The following PPFIA4 variants were observed in gnomAD, a reference collection of about 807,000 sequenced individuals.
PPFIA4 encodes the protein PPFI scaffold protein A4.
Under a neutral mutation model 145.7 loss-of-function variants are expected in PPFIA4, and 98 were observed. That is an observed-to-expected ratio of 0.67 (90% CI 0.57 to 0.80). The LOEUF (loss-of-function observed/expected upper bound fraction) is 0.80. Among genes scored for constraint, PPFIA4 ranks in the 30% least tolerant of loss-of-function variants. The probability of loss-of-function intolerance (pLI) is 0.00; values close to 1 mark genes in which losing one functional copy is unlikely to be tolerated. For synonymous variants in PPFIA4, 628 were observed against 649.6 expected, an observed-to-expected ratio of 0.97 and a Z score of 0.51; for missense variants, 1,457 against 1,632.7, an observed-to-expected ratio of 0.89 and a Z score of 1.85.
intron 19 of PPFIA4, 61 bp from the exon 20 acceptor site, chr1:203,059,117 G>C (rs1335984940): frequency 7.4e-7 from 1 of 1,349,800 alleles, no homozygotes; most frequent in Non-Finnish European, 1.0e-6. Flanking sequence ...CCCCACCCCT[G>C]ATCCAGGCAA....
At chr1:203,069,140 C>T (rs988237327) in intron 27 of PPFIA4, among the ~76,000 whole-genome samples, 1 of 152,224 alleles carries the variant, frequency 6.6e-6, no homozygotes, top group Non-Finnish European at 1.5e-5. Context: ...AGGGCTTTGG[C>T]TCTCTGTCAA....
chr1:203,058,031 T>G (rs1454534288), intron 19 of PPFIA4, among the ~76,000 whole-genome samples: 1 of 152,158 alleles, frequency 6.6e-6, no homozygotes, highest in Non-Finnish European at 1.5e-5. Flanking sequence ...TGTGAGGGCC[T>G]TGCAGCATCT....
chr1:203,069,763 G>GCC (rs1216196714), intron 27 of PPFIA4, among the ~76,000 whole-genome samples: 9 of 108,790 alleles, frequency 8.3e-5, no homozygotes, highest in African/African-American at 2.5e-4. Context: ...TGACCCCCCC[G>GCC]CCCCGCCCCC....
rs1277282032 is a variant in PPFIA4 at position 203,060,871 on chromosome 1, T to C, written c.2785-99T>C. The C allele has an allele frequency of 5.6e-6, 6 of 1,067,682 alleles. No individual in the cohort carries two copies. The East Asian group carries it at 1.4e-4, about 25-fold the overall frequency. 66.1% of individuals were successfully genotyped at this position (1,067,682 alleles called of 1,614,324 possible). On this transcript the variant is annotated intron_variant, in intron 22 of 29. Transcript: ENST00000295706. The surrounding 1 kb of genome is among the most constrained non-coding windows in gnomAD (Gnocchi z 4.8). ...GAGACCAGCCCCCATTTCAGAGGAC[T>C]CAGGGAGGGAGCTTTGTCCTTGTCC...
At chr1:203,046,073 C>T (rs1472812974) in intron 8 of PPFIA4, 86 bp downstream of exon 8, 45 of 1,586,292 alleles carry the variant, frequency 2.8e-5, no homozygotes, top group Non-Finnish European at 3.7e-5. Flanking sequence ...GCTGAGGAGC[C>T]CCTGGGGTCC....
intron 24 of PPFIA4, among the ~76,000 whole-genome samples, chr1:203,062,313 TA>T (rs1448372024): frequency 6.8e-6 from 1 of 147,950 alleles, no homozygotes; most frequent in Non-Finnish European, 1.5e-5. Context: ...CCGTCTCTAC[TA>T]AAAATACAAA....
At chr1:203,072,587 T>A (rs1180660679) in intron 28 of PPFIA4, among the ~76,000 whole-genome samples, 4 of 152,216 alleles carry the variant, frequency 2.6e-5, no homozygotes, top group African/African-American at 7.2e-5. Flanking sequence ...TGCCCTTGCC[T>A]GTCAGGTCTG....
intron 1 of PPFIA4, chr1:203,034,514 G>A (rs1025827671): frequency 6.6e-6 from 3 of 456,444 alleles, no homozygotes; most frequent in Admixed American, 2.3e-5. Flanking sequence ...CGAGGGCTCC[G>A]AAGAGTGTCT....
intron 13 of PPFIA4, 142 bp downstream of exon 13, chr1:203,049,909 T>C: frequency 1.4e-6 from 1 of 696,978 alleles, no homozygotes; most frequent in Non-Finnish European, 2.1e-6. Flanking sequence ...TCAGATAACT[T>C]GGTCAGAGTC....
In PPFIA4 at chr1:203,053,803, T is replaced by C. The variant is rs529567561; in HGVS notation, c.1671T>C (p.Pro557=). The change falls in exon 15 of 30, where the codon CCT becomes CCC. Residue 557 remains proline (P), a synonymous_variant. Transcript: ENST00000295706. The part of the protein sequence containing the change: ...LPGMLAPAAG[P]AFDSDPEISD... Reference sequence around the variant, plus strand: ...GGATGCTGGCCCCGGCAGCTGGCCCTGCCTTTGACAGTGACCCTGAGATCT... The same window carrying C: ...GGATGCTGGCCCCGGCAGCTGGCCCCGCCTTTGACAGTGACCCTGAGATCT... 11 of 1,552,912 alleles carry C rather than the reference T, an allele frequency of 7.1e-6. No individual in the cohort carries two copies. Among genetic ancestry groups the C allele is most frequent in the South Asian group, 5.9e-5 (5 of 84,122 alleles).
At chr1:203,070,957 T>G (rs1165034624) in intron 27 of PPFIA4, among the ~76,000 whole-genome samples, 6 of 61,060 alleles carry the variant, frequency 9.8e-5, no homozygotes, top group Admixed American at 3.8e-4. Flanking sequence ...ACTTTTTTGT[T>G]TTTTTTTTTT....
At position 203,056,839 on chromosome 1, in the gene PPFIA4, C is replaced by T; in HGVS notation, c.2296C>T (p.Leu766=). The change falls in exon 19 of 30, where the codon CTG becomes TTG. Residue 766 remains leucine (L), a synonymous_variant. Transcript: ENST00000295706. ...PSSSNSSQDS[L]HKGAKRKGIK... ...CAGCAGCAACAGCAGCCAGGACTCC[C>T]TGCACAAGGGCGCCAAGCGCAAGGG... 3.7e-6 allele frequency: 6 copies of T among 1,614,052 alleles called. No homozygotes were observed. The highest frequency in any genetic ancestry group is 4.2e-6 in the Non-Finnish European group (5 of 1,179,886).
rs570495184 is a variant in PPFIA4, at chr1:203,040,170, G to T, written c.234+928G>T. ...GAACTCTGCCTGATAACCAGACCCAGAGAGGGCTGGGGGTTGTGTGTCTGT... is the reference window on the plus strand; with the variant it reads ...GAACTCTGCCTGATAACCAGACCCATAGAGGGCTGGGGGTTGTGTGTCTGT... On this transcript the variant is annotated intron_variant, in intron 2 of 29. Coordinates refer to ENST00000295706, the MANE Select transcript of PPFIA4 (RefSeq NM_001304331.2). Among the ~76,000 whole-genome samples, 3 of 152,360 alleles carry T rather than the reference G, an allele frequency of 2.0e-5. 1 individual carries two copies. Among genetic ancestry groups the T allele is most frequent in the Admixed American group, 2.0e-4 (3 of 15,310 alleles).
rs544123091 is a variant in PPFIA4 at position 203,044,680 on chromosome 1, G to A, written c.577-16G>A. Reference sequence around the variant, plus strand: ...TCTTCTCTTTGACTCATTGCCCTGGGGCTTGTGCCCTACAGGTGTCTGCCC... The same window carrying A: ...TCTTCTCTTTGACTCATTGCCCTGGAGCTTGTGCCCTACAGGTGTCTGCCC... On this transcript the variant is annotated splice_polypyrimidine_tract_variant and intron_variant, in intron 5 of 29. Coordinates refer to ENST00000295706, the MANE Select transcript of PPFIA4 (RefSeq NM_001304331.2). The A allele has an allele frequency of 3.9e-6, 6 of 1,546,206 alleles. No homozygotes were observed. Among genetic ancestry groups the A allele is most frequent in the Non-Finnish European group, 5.2e-6 (6 of 1,145,350 alleles).
At position 203,053,977 on chromosome 1, in the gene PPFIA4, G is replaced by GA. The variant is rs751087288; in HGVS notation, c.1829+17dup. The GA allele has an allele frequency of 4.5e-6, 7 of 1,554,548 alleles. No homozygotes were observed. The East Asian group carries it at 7.2e-5, about 16-fold the overall frequency. ...AGGAAATCAGGTTAGGGCAGGGCTG[G>GA]AGGGCTTGGGAAGTGCATTGAAGGG... On this transcript the variant is annotated intron_variant, in intron 15 of 29. Transcript: ENST00000295706.
intron 28 of PPFIA4, among the ~76,000 whole-genome samples, chr1:203,073,389 G>A (rs78226629): frequency 6.6e-6 from 1 of 152,212 alleles, no homozygotes; most frequent in East Asian, 1.9e-4. Context: ...AGACATTGGG[G>A]TGCACATAGA....
Position 203,075,606 on chromosome 1 carries a change from C to T in PPFIA4, c.3423C>T (p.Pro1141=). 1 of 1,474,846 alleles carries T rather than the reference C, an allele frequency of 6.8e-7. No individual in the cohort carries two copies. The highest frequency in any genetic ancestry group is 2.7e-5 in the East Asian group (1 of 36,814). 91.4% of individuals were successfully genotyped at this position (1,474,846 alleles called of 1,614,324 possible). A position where few individuals can be genotyped will look rare whatever the true frequency, so the allele number is the denominator to read the frequency against. ...ATGACAAGGTGTTTCGCCGCGCGCCCTCCTGGAGGAAGCGCTTCCGGCCGC... is the reference window on the plus strand; with the variant it reads ...ATGACAAGGTGTTTCGCCGCGCGCCTTCCTGGAGGAAGCGCTTCCGGCCGC... ...DGDDKVFRRA[P]SWRKRFRPRE... Residue 1141 remains proline, a synonymous_variant, in exon 29 of 30, where the codon CCC becomes CCT. Coordinates refer to ENST00000295706, the MANE Select transcript of PPFIA4 (RefSeq NM_001304331.2). This position sits in a 1 kb window ranked among gnomAD's most constrained non-coding sequence, Gnocchi z 4.1.
intron 25 of PPFIA4, 24 bp downstream of exon 25, chr1:203,064,027 C>T (rs374150867): frequency 8.1e-6 from 13 of 1,601,174 alleles, no homozygotes; most frequent in Non-Finnish European, 1.1e-5. Context: ...GGACCCAGGG[C>T]CACCTCCCTC....
intron 1 of PPFIA4, among the ~76,000 whole-genome samples, chr1:203,029,091 G>A (rs1407791430): frequency 6.6e-6 from 1 of 152,102 alleles, no homozygotes; most frequent in Non-Finnish European, 1.5e-5. Context: ...AGCAGTGGGG[G>A]AAGGAGCTCT....
Sources: allele counts gnomAD v4.1 joint callset (sites outside exome capture counted in the v4.1 genomes callset), GRCh38; gene constraint gnomAD v4.1.1; non-coding constraint Gnocchi (gnomAD v3.1); transcripts MANE v1.5; gene names NCBI Gene and HGNC (gene_info 2026-07-23, HGNC 2026-07-21).